The following KLHL31 variants were observed in gnomAD, a reference collection of about 807,000 sequenced individuals.
The protein encoded by KLHL31 is kelch-like protein 31.
In KLHL31, 32 loss-of-function variants were observed where a neutral mutation model predicts 47.1. The ratio of observed to expected loss-of-function variants is 0.68; its 90% CI spans 0.51 to 0.91. KLHL31 has a LOEUF of 0.91. Ranked by LOEUF, KLHL31 falls within the 40% of genes least tolerant of loss-of-function variation. The pLI is 0.00. For synonymous variants in KLHL31, 330 were observed against 325.1 expected (o/e 1.01, Z -0.16); for missense variants, 797 against 819.3 (o/e 0.97, Z 0.33).
chr6:53,655,361 A>C, intron 1 of KLHL31, 56 bp from the exon 2 acceptor site: 1 of 817,084 alleles, frequency 1.2e-6, no homozygotes, highest in Non-Finnish European at 1.8e-6. Flanking sequence ...TAGACTTTGA[A>C]ATACTACATT....
At position 53,651,567 on chromosome 6, in the gene KLHL31, G is replaced by A. The variant is rs1344324603; in HGVS notation, c.*31C>T. The A allele has an allele frequency of 4.4e-6, 7 of 1,585,316 alleles. No individual in the cohort carries two copies. The highest frequency in any genetic ancestry group is 1.7e-5 in the Admixed American group (1 of 57,864). Reference sequence around the variant, plus strand: ...ACGTGGCTCTACGAATAAATAACGTGTTCTTCCTGCGTCCCTGCATCTACC... The same window carrying A: ...ACGTGGCTCTACGAATAAATAACGTATTCTTCCTGCGTCCCTGCATCTACC... On this transcript the variant is annotated 3_prime_UTR_variant, in exon 3 of 3. Transcript: ENST00000370905.
chr6:53,649,540 C>T lies in KLHL31; in HGVS notation c.*2058G>A, dbSNP rs1764437043. On this transcript the variant is annotated 3_prime_UTR_variant, in exon 3 of 3. Transcript: ENST00000370905. ...ATCAAGCTTTGATAGATGAAAAATC[C>T]TCTAGTTTCAGTATCTCTTCTCATT... The T allele has an allele frequency of 6.6e-6, 1 of 152,054 alleles. No homozygotes were observed. The highest frequency in any genetic ancestry group is 6.6e-5 in the Admixed American group (1 of 15,262). The allele number at this position is 152,054 out of a possible 1,614,324, so 9.4% of individuals were successfully genotyped here. A position where few individuals can be genotyped will look rare whatever the true frequency, so the allele number is the denominator to read the frequency against.
intron 1 of KLHL31, among the ~76,000 whole-genome samples, chr6:53,657,605 T>C (rs2127369449): frequency 1.5e-5 from 2 of 137,296 alleles, no homozygotes; most frequent in Middle Eastern, 7.2e-3. Flanking sequence ...TTTTTTGTTT[T>C]TGTTTTGTGT....
chr6:53,651,900 C>T lies in KLHL31; in HGVS notation c.1603G>A (p.Val535Met). 2 of 1,592,178 alleles carry T rather than the reference C, an allele frequency of 1.3e-6. No homozygotes were observed. Among genetic ancestry groups the T allele is most frequent in the Non-Finnish European group, 1.7e-6 (2 of 1,175,312 alleles). Reference sequence around the variant, plus strand: ...CCGGTCGCGGGGCTGTAGCACTCCACGGTGAGCACGTCCACGCGCTCCCCG... The same window carrying T: ...CCGGTCGCGGGGCTGTAGCACTCCATGGTGAGCACGTCCACGCGCTCCCCG... ...PRGERVDVLT[V>M]ECYSPATGQW... Residue 535 changes from valine to methionine, a missense_variant, in exon 3 of 3, where the codon GTG (valine) becomes ATG (methionine). By Grantham distance (21) the Val-to-Met change is conservative (BLOSUM62 1). Coordinates refer to ENST00000370905, the MANE Select transcript of KLHL31 (RefSeq NM_001003760.5).
rs1764435315 is a variant in KLHL31, at chr6:53,649,375, A to T, written c.*2223T>A. The stretch of plus-strand genomic sequence containing the variant: ...TGCACCCAAGAGTCTGGTAAGCTCA[A>T]ATATGTGGATTTTCTGAGTCTTCAG... On this transcript the variant is annotated 3_prime_UTR_variant, in exon 3 of 3. Transcript: ENST00000370905. The T allele has an allele frequency of 6.6e-6, 1 of 152,176 alleles. No homozygotes were observed. Among genetic ancestry groups the T allele is most frequent in the Non-Finnish European group, 1.5e-5 (1 of 67,986 alleles). The allele number at this position is 152,176 out of a possible 1,614,324, so 9.4% of individuals were successfully genotyped here.
At chr6:53,665,234 A>C (rs991954740) in intron 1 of KLHL31, among the ~76,000 whole-genome samples, 4 of 152,190 alleles carry the variant, frequency 2.6e-5, no homozygotes, top group Middle Eastern at 3.2e-3. Context: ...TTTGTGAACA[A>C]AGCCTAAGAA....
At chr6:53,657,505 C>T (rs186495769) in intron 1 of KLHL31, among the ~76,000 whole-genome samples, 18 of 152,200 alleles carry the variant, frequency 1.2e-4, no homozygotes, top group African/African-American at 4.3e-4. Flanking sequence ...TCCTTATAAT[C>T]GGTGCATAGT....
At chr6:53,660,634 C>T (rs1463648117) in intron 1 of KLHL31, among the ~76,000 whole-genome samples, 3 of 151,980 alleles carry the variant, frequency 2.0e-5, no homozygotes, top group East Asian at 1.9e-4. Context: ...GCCAACATGG[C>T]GAAACCCTGT....
At position 53,651,696 on chromosome 6, in the gene KLHL31, C is replaced by A. The variant is rs751632062; in HGVS notation, c.1807G>T (p.Ala603Ser). ...EWTEDDELPE[A>S]TVGVSCCTLS... is the part of the protein sequence containing the mutation. ...GTGCAGCAGGACACGCCGACAGTGG[C>A]CTCGGGTAGCTCGTCGTCCTCCGTC... is the stretch of plus-strand genomic sequence containing the variant. The change falls in exon 3 of 3, where the codon GCC becomes TCC. Residue 603 changes from alanine to serine, a missense_variant. Coordinates refer to ENST00000370905, the MANE Select transcript of KLHL31 (RefSeq NM_001003760.5). 6.2e-7 allele frequency: 1 copy of A among 1,614,172 alleles called. No homozygotes were observed. The highest frequency in any genetic ancestry group is 1.1e-5 in the South Asian group (1 of 91,084).
rs772660858 is a variant in KLHL31, at chr6:53,654,978, A to G, written c.295T>C (p.Tyr99His). ...GACGGGTCTTTTTTTAGGATGTTGT[A>G]AAAATACTCACTGCATGAAGCCATG... ...SVMASCSEYFYNILKKDPSIQ... is the reference protein window; with the variant it reads ...SVMASCSEYFHNILKKDPSIQ... Residue 99 changes from tyrosine to histidine, a missense_variant, in exon 2 of 3, where the codon TAC (tyrosine) becomes CAC (histidine). Tyr to His is a moderately conservative substitution (Grantham distance 83, BLOSUM62 2). Transcript: ENST00000370905. 3.7e-6 allele frequency: 6 copies of G among 1,614,188 alleles called. No individual in the cohort carries two copies. The Admixed American group carries it at 5.0e-5, about 13-fold the overall frequency.
intron 1 of KLHL31, among the ~76,000 whole-genome samples, chr6:53,664,474 T>G (rs1764691189): frequency 6.6e-6 from 1 of 152,222 alleles, no homozygotes; most frequent in Non-Finnish European, 1.5e-5. Flanking sequence ...CCAAAATGAC[T>G]GGACTGAGAA....
rs1164030687 is a variant in KLHL31, at chr6:53,652,082, T to C, written c.1421A>G (p.Tyr474Cys). 6.3e-7 allele frequency: 1 copy of C among 1,598,188 alleles called. No homozygotes were observed. Among genetic ancestry groups the C allele is most frequent in the Non-Finnish European group, 8.5e-7 (1 of 1,177,390 alleles). The change falls in exon 3 of 3, where the codon TAC becomes TGC. Residue 474 changes from tyrosine (Y) to cysteine (C), a missense_variant. Coordinates refer to ENST00000370905, the MANE Select transcript of KLHL31 (RefSeq NM_001003760.5). ...ADGRVLVTGG[Y>C]IANAYSRSVC... ...AGAGCGCGAGTAGGCGTTGGCTATG[T>C]AGCCTCCGGTCACCAGCACGCGGCC...
chr6:53,652,098 G>T lies in KLHL31; in HGVS notation c.1405C>A (p.Leu469Met). ...TTGGCTATGTAGCCTCCGGTCACCA[G>T]CACGCGGCCGTCGGCGACCGCGCTA... is the stretch of plus-strand genomic sequence containing the variant. ...HASAVADGRV[L>M]VTGGYIANAY... Residue 469 changes from leucine (L) to methionine (M), a missense_variant, in exon 3 of 3, where the codon CTG becomes ATG. Physicochemically the swap from Leu to Met is conservative, Grantham distance 15 (BLOSUM62 2). Transcript: ENST00000370905. The T allele has an allele frequency of 6.3e-7, 1 of 1,599,770 alleles. No individual in the cohort carries two copies.
intron 1 of KLHL31, among the ~76,000 whole-genome samples, chr6:53,662,206 T>C (rs567205328): frequency 1.6e-3 from 237 of 152,282 alleles, no homozygotes; most frequent in Non-Finnish European, 2.6e-3. Flanking sequence ...AGGCCATTTC[T>C]CCATTTTTCC....
chr6:53,660,881 T>G (rs540065122), intron 1 of KLHL31, among the ~76,000 whole-genome samples: 1 of 152,192 alleles, frequency 6.6e-6, no homozygotes, highest in Non-Finnish European at 1.5e-5. Flanking sequence ...CGAATTTTCC[T>G]ATGTAAACTC....
At position 53,654,440 on chromosome 6, in the gene KLHL31, A is replaced by C; in HGVS notation, c.833T>G (p.Met278Arg). The C allele has an allele frequency of 1.2e-6, 2 of 1,614,222 alleles. No individual in the cohort carries two copies. The highest frequency in any genetic ancestry group is 1.7e-6 in the Non-Finnish European group (2 of 1,180,036). Reference protein sequence around the residue: ...LVNYVQSVPRMMQDADCHRLL... With the variant: ...LVNYVQSVPRRMQDADCHRLL... ...TCTGTGACAATCAGCATCTTGCATC[A>C]TTCTTGGTACGGATTGAACATAATT... Residue 278 changes from methionine (M) to arginine (R), a missense_variant, in exon 2 of 3, where the codon ATG becomes AGG. By Grantham distance (91) the Met-to-Arg change is moderately conservative. Transcript: ENST00000370905.
In KLHL31 at chr6:53,651,880, C is replaced by T. The variant is rs772350477; in HGVS notation, c.1623G>A (p.Ala541=). ...DVLTVECYSP[A]TGQWSYAAPL... ...GCGCCGCGTAGCTCCACTGGCCGGT[C>T]GCGGGGCTGTAGCACTCCACGGTGA... The change falls in exon 3 of 3, where the codon GCG becomes GCA. Residue 541 remains alanine (A), a synonymous_variant. Coordinates refer to ENST00000370905, the MANE Select transcript of KLHL31 (RefSeq NM_001003760.5). 1.3e-6 allele frequency: 2 copies of T among 1,597,196 alleles called. No homozygotes were observed. The highest frequency in any genetic ancestry group is 3.4e-5 in the Admixed American group (2 of 59,244).
chr6:53,653,738 T>C (rs970656057), intron 2 of KLHL31, among the ~76,000 whole-genome samples: 1 of 152,220 alleles, frequency 6.6e-6, no homozygotes, highest in African/African-American at 2.4e-5. Flanking sequence ...ACTGAATTTG[T>C]ATCTAATTTC....
At chr6:53,658,967 T>TA (rs1764610209) in intron 1 of KLHL31, among the ~76,000 whole-genome samples, 1 of 152,250 alleles carries the variant, frequency 6.6e-6, no homozygotes, top group African/African-American at 2.4e-5. Flanking sequence ...AAGATAATAA[T>TA]AGTGCCTGCC....
Sources: gnomAD v4.1 joint callset for allele counts (sites outside exome capture counted in the v4.1 genomes callset) on GRCh38, gnomAD v4.1.1 for gene constraint, MANE v1.5 for transcripts, NCBI Gene and HGNC (gene_info 2026-07-23, HGNC 2026-07-21) for gene names.